The following CTNNA3 variants were observed in gnomAD, a reference collection of about 807,000 sequenced individuals.
CTNNA3 encodes the protein catenin alpha 3, also known as catenin alpha-3.
In CTNNA3, 76 loss-of-function variants were observed where a neutral mutation model predicts 95.7. The ratio of observed to expected loss-of-function variants is 0.79; its 90% CI spans 0.66 to 0.96. The LOEUF is 0.96. Ranked by LOEUF, CTNNA3 falls within the 40% of genes least tolerant of loss-of-function variation. The pLI is 0.00. For missense variants in CTNNA3, 1,191 were observed against 1,089.8 expected, an observed-to-expected ratio of 1.09 and a Z score of -1.31; for synonymous variants, 431 against 374.4, an observed-to-expected ratio of 1.15 and a Z score of -1.74.
chr10:66,545,153 A>C (rs1321937105), intron 10 of CTNNA3, among the ~76,000 whole-genome samples: 2 of 152,080 alleles, frequency 1.3e-5, no homozygotes, highest in Non-Finnish European at 2.9e-5. Context: ...AGTCTATAAA[A>C]CAGAATGTAT....
In CTNNA3 at chr10:67,401,353, C is replaced by T. The variant is rs191025843; in HGVS notation, c.579+120489G>A. ...ATACAGTCAGAAATTGCCACTCCCA[C>T]AGAAAGAGACCCAATTTAATATACA... On this transcript the variant is annotated intron_variant, in intron 5 of 17. Coordinates refer to ENST00000433211, the MANE Select transcript of CTNNA3 (RefSeq NM_013266.4). Among the ~76,000 whole-genome samples, 117 of 152,284 alleles carry T rather than the reference C, an allele frequency of 7.7e-4. 2 individuals are homozygous for T. The East Asian group carries it at 0.011, about 15-fold the overall frequency.
At chr10:66,790,182 C>A (rs1429631401) in intron 7 of CTNNA3, among the ~76,000 whole-genome samples, 1 of 152,102 alleles carries the variant, frequency 6.6e-6, no homozygotes, top group Non-Finnish European at 1.5e-5. Flanking sequence ...GGTGTGGTGG[C>A]TCATGATTGT....
intron 11 of CTNNA3, among the ~76,000 whole-genome samples, chr10:66,434,144 A>G (rs551066403): frequency 2.2e-4 from 31 of 140,778 alleles, no homozygotes; most frequent in African/African-American, 8.3e-4. Flanking sequence ...TTGGTTCCAT[A>G]TGAACTTTAA....
At chr10:67,042,674 A>G (rs1422212029) in intron 7 of CTNNA3, among the ~76,000 whole-genome samples, 2 of 151,974 alleles carry the variant, frequency 1.3e-5, no homozygotes, top group Non-Finnish European at 2.9e-5. Flanking sequence ...GAAAGGTAAG[A>G]GTGGGGAAAC....
chr10:67,598,108 C>T (rs896130821), intron 3 of CTNNA3, among the ~76,000 whole-genome samples: 1 of 152,118 alleles, frequency 6.6e-6, no homozygotes, highest in Non-Finnish European at 1.5e-5. Context: ...CTAGATCTGA[C>T]AGTTAAGAAA....
At chr10:66,452,817 C>T (rs2093472997) in intron 11 of CTNNA3, among the ~76,000 whole-genome samples, 1 of 152,114 alleles carries the variant, frequency 6.6e-6, no homozygotes, top group South Asian at 2.1e-4. Flanking sequence ...CAGGAACTGA[C>T]TCCATGCAAG....
intron 1 of CTNNA3, among the ~76,000 whole-genome samples, chr10:67,715,032 G>A (rs1253509720): frequency 6.6e-6 from 1 of 152,156 alleles, no homozygotes; most frequent in Non-Finnish European, 1.5e-5. Context: ...CATGAAAGCA[G>A]ACTAATACAG....
chr10:66,515,376 C>A (rs1385251718), intron 11 of CTNNA3, among the ~76,000 whole-genome samples: 1 of 150,438 alleles, frequency 6.6e-6, no homozygotes, highest in Non-Finnish European at 1.5e-5. Flanking sequence ...GTATTGACTC[C>A]TGAAAGAAAG....
intron 7 of CTNNA3, among the ~76,000 whole-genome samples, chr10:66,795,669 C>T (rs867168647): frequency 1.3e-5 from 2 of 152,120 alleles, no homozygotes; most frequent in East Asian, 1.9e-4. Flanking sequence ...ATTGACTACT[C>T]CTCTTTAGCT....
At chr10:66,167,913 C>A (rs555573482) in intron 13 of CTNNA3, among the ~76,000 whole-genome samples, 229 of 152,252 alleles carry the variant, frequency 1.5e-3, no homozygotes, top group African/African-American at 5.3e-3. Context: ...ATCCCAGATA[C>A]ACCTAGTCAT....
chr10:67,380,587 G>A (rs552504145), intron 5 of CTNNA3, among the ~76,000 whole-genome samples: 20 of 152,298 alleles, frequency 1.3e-4, no homozygotes, highest in African/African-American at 4.3e-4. Context: ...TTACAACTAA[G>A]AGAAAGTTTG....
intron 13 of CTNNA3, among the ~76,000 whole-genome samples, chr10:66,166,783 G>T (rs900586464): frequency 2.6e-5 from 4 of 152,092 alleles, no homozygotes; most frequent in Admixed American, 2.6e-4. Flanking sequence ...AATTGAAGGG[G>T]TGAATGAAGG....
intron 11 of CTNNA3, among the ~76,000 whole-genome samples, chr10:66,460,442 G>A (rs2093521451): frequency 6.6e-6 from 1 of 152,110 alleles, no homozygotes. Flanking sequence ...TGCGATGGGT[G>A]GACTGCACTT....
At chr10:67,669,870 A>G (rs186572517) in intron 1 of CTNNA3, among the ~76,000 whole-genome samples, 1 of 152,346 alleles carries the variant, frequency 6.6e-6, no homozygotes, top group East Asian at 1.9e-4. Context: ...CATGCCATCA[A>G]TGGAAGTCTT....
chr10:66,748,821 G>A (rs1838996991), intron 9 of CTNNA3, among the ~76,000 whole-genome samples: 1 of 151,954 alleles, frequency 6.6e-6, no homozygotes, highest in Non-Finnish European at 1.5e-5. Flanking sequence ...CGGTGCATTT[G>A]TTACAATCGA....
chr10:67,735,504 T>C (rs1347042193), intron 1 of CTNNA3, among the ~76,000 whole-genome samples: 2 of 152,076 alleles, frequency 1.3e-5, no homozygotes, highest in African/African-American at 4.8e-5. Context: ...TGCATGATCA[T>C]TTGTCCCAAG....
intron 17 of CTNNA3, among the ~76,000 whole-genome samples, chr10:65,961,661 G>T (rs2077847387): frequency 6.6e-6 from 1 of 151,992 alleles, no homozygotes; most frequent in Non-Finnish European, 1.5e-5. Context: ...AAAGCAATGT[G>T]CAGGATTAAC....
intron 13 of CTNNA3, among the ~76,000 whole-genome samples, chr10:66,147,195 T>C (rs1045302092): frequency 2.6e-5 from 4 of 152,128 alleles, no homozygotes; most frequent in African/African-American, 9.6e-5. Flanking sequence ...CTTCTAAGTA[T>C]TAAGAAATTA....
chr10:67,121,861 A>T (rs1445748399), intron 7 of CTNNA3, among the ~76,000 whole-genome samples: 1 of 151,754 alleles, frequency 6.6e-6, no homozygotes, highest in Admixed American at 6.6e-5. Context: ...ATATAGGTCC[A>T]TATCTTCCAG....
Sources: allele counts gnomAD v4.1 joint callset (sites outside exome capture counted in the v4.1 genomes callset), GRCh38; gene constraint gnomAD v4.1.1; transcripts MANE v1.5; gene names NCBI Gene and HGNC (gene_info 2026-07-23, HGNC 2026-07-21).